The following GRM6 variants were observed in gnomAD, a reference collection of about 807,000 sequenced individuals.
GRM6 encodes the protein metabotropic glutamate receptor 6.
GRM6 carries 73 observed loss-of-function variants against 78.4 expected under a neutral mutation model. The ratio of observed to expected loss-of-function variants is 0.93; its 90% CI spans 0.77 to 1.13. The LOEUF (loss-of-function observed/expected upper bound fraction) is 1.13, where lower values mean the gene tolerates loss of function less well. GRM6 is among the 50% of genes most tolerant of loss of function. The pLI is 0.00. For synonymous variants in GRM6, 580 were observed against 555.0 expected (o/e 1.05, Z -0.63); for missense variants, 1,251 against 1,256.4 (o/e 1.00, Z 0.07).
At position 178,989,055 on chromosome 5, in the gene GRM6, C is replaced by A. The variant is rs1760621141; in HGVS notation, c.1234G>T (p.Ala412Ser). The A allele has an allele frequency of 1.9e-6, 3 of 1,613,922 alleles. No individual in the cohort carries two copies. The highest frequency in any genetic ancestry group is 2.5e-6 in the Non-Finnish European group (3 of 1,179,938). The stretch of plus-strand genomic sequence containing the variant: ...TGGTGCATGCTGTGGAGGGCGTGGG[C>A]AATGGCGTACACCGCATCAATCACA... ...QFVIDAVYAI[A>S]HALHSMHQAL... Residue 412 changes from alanine to serine, a missense_variant, in exon 7 of 11, where the codon GCC becomes TCC. Transcript: ENST00000517717.
At chr5:178,986,030 G>A in intron 9 of GRM6, 100 bp downstream of exon 9, 1 of 1,116,140 alleles carries the variant, frequency 9.0e-7, no homozygotes, top group South Asian at 1.5e-5. Context: ...CAAAGGTGCT[G>A]GGACTACAGG....
At chr5:178,984,933 T>C (rs1231582582) in intron 9 of GRM6, among the ~76,000 whole-genome samples, 1 of 152,094 alleles carries the variant, frequency 6.6e-6, no homozygotes, top group African/African-American at 2.4e-5. Context: ...CCCCAAGCCA[T>C]CTGTCTCTCG....
Position 178,991,382 on chromosome 5 carries a change from A to G in GRM6, c.857+42T>C. On this transcript the variant is annotated intron_variant, in intron 4 of 10. Coordinates refer to ENST00000517717, the MANE Select transcript of GRM6 (RefSeq NM_000843.4). The surrounding 1 kb of genome is among the most constrained non-coding windows in gnomAD (Gnocchi z 5.0). ...GTGCAAGAGGAGGGGTGGGACCCTC[A>G]GGGAGAGCCCCAGGGGCCCGGTGAT... 5 of 1,593,820 alleles carry G rather than the reference A, an allele frequency of 3.1e-6. No homozygotes were observed. The highest frequency in any genetic ancestry group is 1.3e-5 in the African/African-American group (1 of 74,584).
rs998379844 is a variant in GRM6, at chr5:178,981,403, C to G, written c.*254G>C. 7.0e-5 allele frequency: 37 copies of G among 528,228 alleles called. No homozygotes were observed. The Middle Eastern group carries it at 1.5e-3, about 22-fold the overall frequency. 32.7% of individuals were successfully genotyped at this position (528,228 alleles called of 1,614,324 possible). The stretch of plus-strand genomic sequence containing the variant: ...GTTTAGTCCCTTTCTAGAGCTAGAA[C>G]CTTCTCGGTGGCTGTTTCCCACCAT... On this transcript the variant is annotated 3_prime_UTR_variant, in exon 11 of 11. Coordinates refer to ENST00000517717, the MANE Select transcript of GRM6 (RefSeq NM_000843.4). The surrounding 1 kb of genome is among the most constrained non-coding windows in gnomAD (Gnocchi z 5.1).
At chr5:178,987,431 G>A in intron 7 of GRM6, 1 of 458,224 alleles carries the variant, frequency 2.2e-6, no homozygotes, top group Non-Finnish European at 4.4e-6. Context: ...ACAGAAGAAT[G>A]GACGAACACG....
rs1260502360 is a variant in GRM6 at position 178,979,705 on chromosome 5, A to G, written c.*1952T>C. 1 of 152,270 alleles carries G rather than the reference A, an allele frequency of 6.6e-6. No homozygotes were observed. The allele number at this position is 152,270 out of a possible 1,614,324, so 9.4% of individuals were successfully genotyped here. A position where few individuals can be genotyped will look rare whatever the true frequency, so the allele number is the denominator to read the frequency against. On this transcript the variant is annotated 3_prime_UTR_variant, in exon 11 of 11. Transcript: ENST00000517717. ...ACAGTGGAGAAAACCACATGAATGT[A>G]AAACTGTGGAAAAGTTTTCAGCTAG...
At chr5:178,989,881 C>T (rs762724) in intron 5 of GRM6, 121,939 of 233,814 alleles carry the variant, frequency 0.52, 32,592 homozygotes, top group East Asian at 0.57. Context: ...GCTTTGAGAG[C>T]GCATTCACTC....
chr5:178,992,416 G>A lies in GRM6; in HGVS notation c.505-333C>T. ...AAGGACCCCCAGCAGAGGGCCTGCAGCCCATCCAGCTGCATCTGCCTGTCC... is the reference window on the plus strand; with the variant it reads ...AAGGACCCCCAGCAGAGGGCCTGCAACCCATCCAGCTGCATCTGCCTGTCC... On this transcript the variant is annotated intron_variant, in intron 2 of 10. Transcript: ENST00000517717. This position sits in a 1 kb window ranked among gnomAD's most constrained non-coding sequence, Gnocchi z 4.9. The A allele has an allele frequency of 4.5e-6, 2 of 445,606 alleles. No individual in the cohort carries two copies. The highest frequency in any genetic ancestry group is 3.6e-5 in the South Asian group (2 of 55,996). 27.6% of individuals were successfully genotyped at this position (445,606 alleles called of 1,614,324 possible).
In GRM6 at chr5:178,985,918, T is replaced by C. The variant is rs145497328; in HGVS notation, c.2124+212A>G. On this transcript the variant is annotated intron_variant, in intron 9 of 10. Coordinates refer to ENST00000517717, the MANE Select transcript of GRM6 (RefSeq NM_000843.4). The stretch of plus-strand genomic sequence containing the variant: ...CTAGGACTACAGGCACGCACCACCA[T>C]GCCTGGCTAATTTTCATATTTTTTG... 1.7e-4 allele frequency: 101 copies of C among 591,346 alleles called. 1 individual carries two copies. The East Asian group carries it at 2.1e-3, about 12-fold the overall frequency. 36.6% of individuals were successfully genotyped at this position (591,346 alleles called of 1,614,324 possible).
At position 178,981,935 on chromosome 5, in the gene GRM6, T is replaced by C; in HGVS notation, c.2437-81A>G. On this transcript the variant is annotated intron_variant, in intron 10 of 10. Coordinates refer to ENST00000517717, the MANE Select transcript of GRM6 (RefSeq NM_000843.4). The surrounding 1 kb of genome is among the most constrained non-coding windows in gnomAD (Gnocchi z 5.1). ...TCCACACAGTCCTCACCACATACTC[T>C]GGAGCTGAGTCTGTTTCAGTTGGGG... is the stretch of plus-strand genomic sequence containing the variant. The C allele has an allele frequency of 1.1e-6, 1 of 904,130 alleles. No homozygotes were observed. The highest frequency in any genetic ancestry group is 1.9e-6 in the Non-Finnish European group (1 of 534,548). The allele number at this position is 904,130 out of a possible 1,614,324, so 56.0% of individuals were successfully genotyped here.
rs1344555148 is a variant in GRM6 at position 178,986,422 on chromosome 5, T to C, written c.1832A>G (p.Asn611Ser). 3.1e-6 allele frequency: 5 copies of C among 1,613,542 alleles called. No homozygotes were observed. Among genetic ancestry groups the C allele is most frequent in the Non-Finnish European group, 4.2e-6 (5 of 1,179,996 alleles). Residue 611 changes from asparagine (N) to serine (S), a missense_variant, in exon 9 of 11, where the codon AAC becomes AGC. By Grantham distance (46) the Asn-to-Ser change is conservative. Transcript: ENST00000517717. Reference sequence around the variant, plus strand: ...CGAGGCCCGGACGATGGGCGTGTTGTTGTACCGCACGAAGGTGGCCACCAC... The same window carrying C: ...CGAGGCCCGGACGATGGGCGTGTTGCTGTACCGCACGAAGGTGGCCACCAC... ...TTVVATFVRYNNTPIVRASGR... is the reference protein window; with the variant it reads ...TTVVATFVRYSNTPIVRASGR...
Position 178,994,778 on chromosome 5 carries a change from G to C in GRM6, c.167C>G (p.Ala56Gly), listed in dbSNP as rs749330754. The C allele has an allele frequency of 7.4e-7, 1 of 1,346,430 alleles. No individual in the cohort carries two copies. The highest frequency in any genetic ancestry group is 1.7e-5 in the South Asian group (1 of 59,900). The allele number at this position is 1,346,430 out of a possible 1,614,324, so 83.4% of individuals were successfully genotyped here. The change falls in exon 2 of 11, where the codon GCG (alanine) becomes GGG (glycine). Residue 56 changes from alanine to glycine, a missense_variant. Transcript: ENST00000517717. ...PVHARGAAGR[A>G]CGQLKKEQGV... ...CTGCTCCTTCTTCAGCTGCCCGCAC[G>C]CCCGGCCCGCCGCGCCCCGCGCGTG...
intron 5 of GRM6, among the ~76,000 whole-genome samples, chr5:178,990,361 A>G (rs540369703): frequency 6.5e-4 from 99 of 152,172 alleles, no homozygotes; most frequent in Non-Finnish European, 1.0e-3. Flanking sequence ...AAAACCAAAA[A>G]CCCAACAATT....
Position 178,994,852 on chromosome 5 carries a change from G to C in GRM6, c.93C>G (p.Gly31=). The change falls in exon 2 of 11, where the codon GGC becomes GGG. Residue 31 remains glycine, a synonymous_variant. Transcript: ENST00000517717. ...LAQAGLARAA[G]SVRLAGGLTL... ...TCAGGCCGCCCGCCAGGCGCACAGA[G>C]CCCGCCGCGCGCGCCAGGCCCGCCT... is the stretch of plus-strand genomic sequence containing the variant. 8.2e-7 allele frequency: 1 copy of C among 1,212,522 alleles called. No individual in the cohort carries two copies. Among genetic ancestry groups the C allele is most frequent in the East Asian group, 3.9e-5 (1 of 25,818 alleles). The allele number at this position is 1,212,522 out of a possible 1,614,324, so 75.1% of individuals were successfully genotyped here.
At chr5:178,985,402 C>CT (rs1760492287) in intron 9 of GRM6, 2 of 329,062 alleles carry the variant, frequency 6.1e-6, no homozygotes, top group Admixed American at 8.6e-5. Context: ...TTCCTGTGGC[C>CT]TTAAAAAAAA....
rs1776535494 is a variant in GRM6 at position 178,986,450 on chromosome 5, T to C, written c.1804A>G (p.Thr602Ala). 2 of 1,612,856 alleles carry C rather than the reference T, an allele frequency of 1.2e-6. No homozygotes were observed. The highest frequency in any genetic ancestry group is 1.7e-6 in the Non-Finnish European group (2 of 1,179,650). ...LAVLGIVATT[T>A]VVATFVRYNN... ...TACCGCACGAAGGTGGCCACCACCG[T>C]GGTAGTGGCCACGATGCCCAGCACG... The change falls in exon 9 of 11, where the codon ACG becomes GCG. Residue 602 changes from threonine (T) to alanine (A), a missense_variant. Coordinates refer to ENST00000517717, the MANE Select transcript of GRM6 (RefSeq NM_000843.4).
At position 178,990,820 on chromosome 5, in the gene GRM6, T is replaced by C. The variant is rs111788985; in HGVS notation, c.858-74A>G. 34 of 1,215,242 alleles carry C rather than the reference T, an allele frequency of 2.8e-5. No homozygotes were observed. In the African/African-American group the frequency reaches 4.8e-4, roughly 17 times the overall value. The allele number at this position is 1,215,242 out of a possible 1,614,324, so 75.3% of individuals were successfully genotyped here. A position where few individuals can be genotyped will look rare whatever the true frequency, so the allele number is the denominator to read the frequency against. On this transcript the variant is annotated intron_variant, in intron 4 of 10. Coordinates refer to ENST00000517717, the MANE Select transcript of GRM6 (RefSeq NM_000843.4). ...GCTCGGCCCCCATCCCTTCCCACTC[T>C]ATCCATCTCCCCTGCTCTATAATCA... is the stretch of plus-strand genomic sequence containing the variant.
rs1760360565 is a variant in GRM6, at chr5:178,980,035, GGA to G, written c.*1620_*1621del. ...CTAGGAACACAACAAATGTGGAGAA[GGA>G]GAGTCAGTAGCGCAACAGAAATGTT... On this transcript the variant is annotated 3_prime_UTR_variant, in exon 11 of 11. Coordinates refer to ENST00000517717, the MANE Select transcript of GRM6 (RefSeq NM_000843.4). This position sits in a 1 kb window ranked among gnomAD's most constrained non-coding sequence, Gnocchi z 4.3. 6.5e-6 allele frequency: 1 copy of G among 154,346 alleles called. No individual in the cohort carries two copies. Among genetic ancestry groups the G allele is most frequent in the South Asian group, 2.0e-4 (1 of 4,916 alleles). The allele number at this position is 154,346 out of a possible 1,614,324, so 9.6% of individuals were successfully genotyped here. A position where few individuals can be genotyped will look rare whatever the true frequency, so the allele number is the denominator to read the frequency against.
In GRM6 at chr5:178,991,556, C is replaced by G; in HGVS notation, c.725G>C (p.Gly242Ala). Reference sequence around the variant, plus strand: ...CTTGATAGACTGGGCAATACAGACCCCCCCTGGGCGTTGGGGGTGCCAGAG... The same window carrying G: ...CTTGATAGACTGGGCAATACAGACCGCCCCTGGGCGTTGGGGGTGCCAGAG... The part of the protein sequence containing the change: ...AFVQISREAG[G>A]VCIAQSIKIP... Residue 242 changes from glycine (G) to alanine (A), a missense_variant, in exon 4 of 11, where the codon GGG becomes GCG. Transcript: ENST00000517717. The surrounding 1 kb of genome is among the most constrained non-coding windows in gnomAD (Gnocchi z 5.0). The G allele has an allele frequency of 5.6e-6, 9 of 1,613,812 alleles. No individual in the cohort carries two copies. The highest frequency in any genetic ancestry group is 7.6e-6 in the Non-Finnish European group (9 of 1,179,830).
Sources: allele counts gnomAD v4.1 joint callset (sites outside exome capture counted in the v4.1 genomes callset), GRCh38; gene constraint gnomAD v4.1.1; non-coding constraint Gnocchi (gnomAD v3.1); transcripts MANE v1.5; gene names NCBI Gene and HGNC (gene_info 2026-07-23, HGNC 2026-07-21).